The following ZNF620 variants were observed in gnomAD, a reference collection of about 807,000 sequenced individuals.
ZNF620 encodes zinc finger protein 620.
A neutral mutation model predicts 13.3 loss-of-function variants in ZNF620; 10 were observed. The observed-to-expected ratio is 0.75, with a 90% CI of 0.46 to 1.28. The LOEUF is 1.28. Among genes scored for constraint, ZNF620 ranks in the 50% most tolerant of loss-of-function variants. The pLI is 0.00. For missense variants in ZNF620, 461 were observed against 500.2 expected (o/e 0.92, Z 0.75); for synonymous variants, 166 against 177.6 (o/e 0.93, Z 0.52).
In ZNF620 at chr3:40,512,495, C is replaced by A. The variant is rs750049485; in HGVS notation, c.245C>A (p.Ala82Asp). 1 of 1,613,346 alleles carries A rather than the reference C, an allele frequency of 6.2e-7. No individual in the cohort carries two copies. The highest frequency in any genetic ancestry group is 1.1e-5 in the South Asian group (1 of 90,940). The stretch of plus-strand genomic sequence containing the variant: ...CCCTGGGAACCTATGGGCAGGGAGG[C>A]TCTCAGAGGTATCTGTCCAGGTGAG... ...LDPWEPMGRE[A>D]LRGICPGDEA... is the part of the protein sequence containing the mutation. The change falls in exon 4 of 5, where the codon GCT becomes GAT. Residue 82 changes from alanine (A) to aspartate (D), a missense_variant. Transcript: ENST00000314529.
chr3:40,507,072 A>G (rs1432502589), intron 2 of ZNF620, among the ~76,000 whole-genome samples: 5 of 129,208 alleles, frequency 3.9e-5, no homozygotes, highest in Non-Finnish European at 6.6e-5. Context: ...TTCTGTGTCT[A>G]TTTAGATGAC....
At chr3:40,507,206 C>G (rs1452516376) in intron 2 of ZNF620, among the ~76,000 whole-genome samples, 1 of 151,450 alleles carries the variant, frequency 6.6e-6, no homozygotes, top group African/African-American at 2.4e-5. Flanking sequence ...ATTCTCCTGC[C>G]TCAGCCTCCC....
Position 40,511,547 on chromosome 3 carries a change from C to T in ZNF620, c.102C>T (p.Ala34=). Residue 34 remains alanine, a synonymous_variant, in exon 3 of 5, where the codon GCC becomes GCT. Transcript: ENST00000314529. ...CCAGCCTGGACTCTGTGCAGAGGGC[C>T]CTGTACAGGGAAGTGATGCTGGAGA... The part of the protein sequence containing the change: ...EWASLDSVQR[A]LYREVMLENY... 1.9e-6 allele frequency: 3 copies of T among 1,613,686 alleles called. No individual in the cohort carries two copies. Among genetic ancestry groups the T allele is most frequent in the African/African-American group, 1.3e-5 (1 of 74,998 alleles).
chr3:40,512,570 C>T, intron 4 of ZNF620, 55 bp downstream of exon 4: 1 of 1,275,888 alleles, frequency 7.8e-7, no homozygotes, highest in Non-Finnish European at 1.1e-6. Context: ...TTCTTGTTTT[C>T]ACATTTCATT....
At chr3:40,512,582 T>G in intron 4 of ZNF620, 67 bp downstream of exon 4, 1 of 1,130,188 alleles carries the variant, frequency 8.8e-7, no homozygotes, top group Non-Finnish European at 1.3e-6. Context: ...CATTTCATTG[T>G]GCAAGAAGTG....
rs1559552144 is a variant in ZNF620, at chr3:40,515,983, G to A, written c.389G>A (p.Gly130Glu). The A allele has an allele frequency of 1.2e-6, 2 of 1,614,102 alleles. No individual in the cohort carries two copies. The highest frequency in any genetic ancestry group is 1.7e-6 in the Non-Finnish European group (2 of 1,180,026). The change falls in exon 5 of 5, where the codon GGG becomes GAG. Residue 130 changes from glycine (G) to glutamate (E), a missense_variant. Gly to Glu is a moderately conservative substitution (Grantham distance 98, BLOSUM62 -2). Transcript: ENST00000314529. ...PGNVSQHLDFGSSLEQPQGHW... is the reference protein window; with the variant it reads ...PGNVSQHLDFESSLEQPQGHW... ...AATGTTTCCCAGCACCTTGACTTTG[G>A]GAGCAGCCTAGAGCAGCCACAAGGT...
chr3:40,515,984 G>A lies in ZNF620; in HGVS notation c.390G>A (p.Gly130=), dbSNP rs772638373. ...ATGTTTCCCAGCACCTTGACTTTGG[G>A]AGCAGCCTAGAGCAGCCACAAGGTC... ...PGNVSQHLDF[G]SSLEQPQGHW... is the part of the protein sequence containing the mutation. The change falls in exon 5 of 5, where the codon GGG becomes GGA. Residue 130 remains glycine (G), a synonymous_variant. Coordinates refer to ENST00000314529, the MANE Select transcript of ZNF620 (RefSeq NM_175888.4). 1.2e-6 allele frequency: 2 copies of A among 1,613,904 alleles called. No homozygotes were observed. Among genetic ancestry groups the A allele is most frequent in the East Asian group, 2.2e-5 (1 of 44,896 alleles).
chr3:40,511,324 G>A, intron 2 of ZNF620, 146 bp from the exon 3 acceptor site: 2 of 1,122,734 alleles, frequency 1.8e-6, no homozygotes, highest in Non-Finnish European at 2.5e-6. Flanking sequence ...TGTTGGTGCG[G>A]GCAAAGATGG....
At position 40,516,717 on chromosome 3, in the gene ZNF620, C is replaced by A; in HGVS notation, c.1123C>A (p.Gln375Lys). Residue 375 changes from glutamine to lysine, a missense_variant, in exon 5 of 5, where the codon CAG (glutamine) becomes AAG (lysine). Gln to Lys is a moderately conservative substitution (Grantham distance 53). Coordinates refer to ENST00000314529, the MANE Select transcript of ZNF620 (RefSeq NM_175888.4). ...TAAGGAGTGTGGGAAGGCATTCAAT[C>A]AGAAAATAACCCTGATTCAGCACCA... Reference protein sequence around the residue: ...ECKECGKAFNQKITLIQHQRV... With the variant: ...ECKECGKAFNKKITLIQHQRV... The A allele has an allele frequency of 3.7e-6, 6 of 1,614,172 alleles. No homozygotes were observed. Among genetic ancestry groups the A allele is most frequent in the Non-Finnish European group, 5.1e-6 (6 of 1,180,022 alleles).
chr3:40,517,032 G>C lies in ZNF620; in HGVS notation c.*169G>C. 1.6e-6 allele frequency: 1 copy of C among 622,624 alleles called. No homozygotes were observed. The highest frequency in any genetic ancestry group is 2.5e-6 in the Non-Finnish European group (1 of 394,322). The allele number at this position is 622,624 out of a possible 1,614,324, so 38.6% of individuals were successfully genotyped here. On this transcript the variant is annotated 3_prime_UTR_variant, in exon 5 of 5. Coordinates refer to ENST00000314529, the MANE Select transcript of ZNF620 (RefSeq NM_175888.4). ...AACATGAAGTCTCTTTATGGTTAGA[G>C]AAGACCAAAAAACAAACAAACAAAC...
rs534358288 is a variant in ZNF620 at position 40,513,500 on chromosome 3, G to A, written c.265+985G>A. Among the ~76,000 whole-genome samples the A allele has an allele frequency of 1.5e-4, 22 of 150,910 alleles. No homozygotes were observed. In the South Asian group the frequency reaches 3.3e-3, roughly 23 times the overall value. On this transcript the variant is annotated intron_variant, in intron 4 of 4. Coordinates refer to ENST00000314529, the MANE Select transcript of ZNF620 (RefSeq NM_175888.4). ...AAAAATACAAAATATTAGCATGGAC[G>A]TGGTAGCACGTGCCTGTAATCCTAG...
In ZNF620 at chr3:40,512,475, G is replaced by C. The variant is rs1387278051; in HGVS notation, c.225G>C (p.Trp75Cys). Residue 75 changes from tryptophan (W) to cysteine (C), a missense_variant, in exon 4 of 5, where the codon TGG (tryptophan) becomes TGC (cysteine). Trp to Cys is a radical substitution (Grantham distance 215). Coordinates refer to ENST00000314529, the MANE Select transcript of ZNF620 (RefSeq NM_175888.4). ...AACTGCCATGGGGCCTCGATCCCTG[G>C]GAACCTATGGGCAGGGAGGCTCTCA... is the stretch of plus-strand genomic sequence containing the variant. Reference protein sequence around the residue: ...QGELPWGLDPWEPMGREALRG... With the variant: ...QGELPWGLDPCEPMGREALRG... 1 of 1,614,124 alleles carries C rather than the reference G, an allele frequency of 6.2e-7. No homozygotes were observed. The highest frequency in any genetic ancestry group is 1.7e-5 in the Admixed American group (1 of 60,018).
rs1222012917 is a variant in ZNF620 at position 40,518,308 on chromosome 3, CA to C, written c.*1450del. The C allele has an allele frequency of 1.3e-5, 2 of 152,220 alleles. No homozygotes were observed. The highest frequency in any genetic ancestry group is 6.5e-5 in the Admixed American group (1 of 15,282). 9.4% of individuals were successfully genotyped at this position (152,220 alleles called of 1,614,324 possible). On this transcript the variant is annotated 3_prime_UTR_variant, in exon 5 of 5. Coordinates refer to ENST00000314529, the MANE Select transcript of ZNF620 (RefSeq NM_175888.4). ...CAGGTGTTTGTCCTTGGTTAAGTTA[CA>C]AAAACTGCACTAGTTTCCTTATCTG...
At chr3:40,509,275 A>G (rs1189713741) in intron 2 of ZNF620, among the ~76,000 whole-genome samples, 1 of 151,796 alleles carries the variant, frequency 6.6e-6, no homozygotes, top group Non-Finnish European at 1.5e-5. Flanking sequence ...TGTGTCACCC[A>G]GGCTGGAGTG....
In ZNF620 at chr3:40,516,507, G is replaced by C. The variant is rs370645794; in HGVS notation, c.913G>C (p.Glu305Gln). The change falls in exon 5 of 5, where the codon GAG becomes CAG. Residue 305 changes from glutamate to glutamine, a missense_variant. Transcript: ENST00000314529. ...CCAGCACCAGAGGTTCCACACTGGGGAGAAGCTCTATGAATGTAACGAATG... is the reference window on the plus strand; with the variant it reads ...CCAGCACCAGAGGTTCCACACTGGGCAGAAGCTCTATGAATGTAACGAATG... ...FLQHQRFHTG[E>Q]KLYECNECWK... The C allele has an allele frequency of 3.1e-6, 5 of 1,614,074 alleles. No individual in the cohort carries two copies. The highest frequency in any genetic ancestry group is 4.2e-6 in the Non-Finnish European group (5 of 1,180,032).
chr3:40,507,089 G>GTTTTTTTTTTTTTTTTTT (rs370195603), intron 2 of ZNF620, among the ~76,000 whole-genome samples: 1 of 98,144 alleles, frequency 1.0e-5, no homozygotes, highest in African/African-American at 4.2e-5. Flanking sequence ...TGACCATATG[G>GTTTTTTTTTTTTTTTTTT]TTTTTTTTTT....
Position 40,517,461 on chromosome 3 carries a change from T to G in ZNF620, c.*598T>G, listed in dbSNP as rs559760301. The stretch of plus-strand genomic sequence containing the variant: ...TACTAGAGAGGCTGAGGCAGGAGAA[T>G]CACTTGAATCCCTGAGGCAGAGGTT... On this transcript the variant is annotated 3_prime_UTR_variant, in exon 5 of 5. Transcript: ENST00000314529. 2.0e-5 allele frequency: 3 copies of G among 151,850 alleles called. No individual in the cohort carries two copies. The highest frequency in any genetic ancestry group is 2.9e-5 in the Non-Finnish European group (2 of 67,996). 9.4% of individuals were successfully genotyped at this position (151,850 alleles called of 1,614,324 possible).
At position 40,506,376 on chromosome 3, in the gene ZNF620, G is replaced by A; in HGVS notation, c.24G>A (p.Gln8=). ...CCATGTTCCAGACCGCTTGGCGCCA[G>A]GTGAGTGAGCATCCTCTCCCTCCCT... The part of the protein sequence containing the change: MFQTAWR[Q]EPVTFEDVAV... The change falls in exon 2 of 5, where the codon CAG becomes CAA. Residue 8 remains glutamine, a splice_region_variant and synonymous_variant. Coordinates refer to ENST00000314529, the MANE Select transcript of ZNF620 (RefSeq NM_175888.4). 1.9e-6 allele frequency: 3 copies of A among 1,613,952 alleles called. No individual in the cohort carries two copies. The South Asian group carries it at 3.3e-5, about 18-fold the overall frequency.
At chr3:40,506,830 G>A (rs939793045) in intron 2 of ZNF620, among the ~76,000 whole-genome samples, 1 of 152,100 alleles carries the variant, frequency 6.6e-6, no homozygotes, top group African/African-American at 2.4e-5. Flanking sequence ...GCACTGGCTA[G>A]AAGCATTATT....
Sources: allele counts gnomAD v4.1 joint callset (sites outside exome capture counted in the v4.1 genomes callset), GRCh38; gene constraint gnomAD v4.1.1; transcripts MANE v1.5; gene names NCBI Gene and HGNC (gene_info 2026-07-23, HGNC 2026-07-21).